ATP2B4: variants seen among roughly 807,000 people sequenced by gnomAD.
ATP2B4 encodes plasma membrane calcium-transporting ATPase 4.
Under a neutral mutation model 110.3 loss-of-function variants are expected in ATP2B4, and 39 were observed. The observed-to-expected ratio is 0.35, with a 90% CI of 0.27 to 0.46. ATP2B4 has a LOEUF of 0.46. Ranked by LOEUF, ATP2B4 falls within the 20% of genes least tolerant of loss-of-function variation. The pLI, the probability that ATP2B4 is intolerant of heterozygous loss-of-function variation, is 1.00. For synonymous variants in ATP2B4, 538 were observed against 571.7 expected (o/e 0.94, Z 0.84); for missense variants, 1,135 against 1,530.9 (o/e 0.74, Z 4.32).
chr1:203,700,778 T>A lies in ATP2B4; in HGVS notation c.776-20T>A. 2 of 1,612,036 alleles carry A rather than the reference T, an allele frequency of 1.2e-6. No individual in the cohort carries two copies. The highest frequency in any genetic ancestry group is 1.7e-6 in the Non-Finnish European group (2 of 1,178,970). On this transcript the variant is annotated intron_variant, in intron 5 of 20. Transcript: ENST00000357681. ...GTATTAAAAAACCCATTCCTTCCCA[T>A]CTTCTCCTTTCCCGTGTAGGGACCC...
chr1:203,709,084 G>A (rs1233259049), intron 10 of ATP2B4, among the ~76,000 whole-genome samples: 1 of 152,152 alleles, frequency 6.6e-6, no homozygotes, highest in East Asian at 1.9e-4. Flanking sequence ...TTGAACCTGG[G>A]AGGTGGAGGT....
intron 1 of ATP2B4, among the ~76,000 whole-genome samples, chr1:203,638,693 A>C (rs1185737334): frequency 6.6e-6 from 1 of 152,272 alleles, no homozygotes; most frequent in East Asian, 1.9e-4. Context: ...GTGTGACCAG[A>C]TCAACACCAA....
intron 1 of ATP2B4, among the ~76,000 whole-genome samples, chr1:203,676,677 G>T (rs1246351917): frequency 6.6e-6 from 1 of 152,172 alleles, no homozygotes; most frequent in Non-Finnish European, 1.5e-5. Flanking sequence ...CAGATCACCA[G>T]GGGGAGCAAG....
chr1:203,691,431 G>A (rs1397976832), intron 2 of ATP2B4, among the ~76,000 whole-genome samples: 1 of 152,224 alleles, frequency 6.6e-6, no homozygotes, highest in Non-Finnish European at 1.5e-5. Flanking sequence ...AAGTACAGAA[G>A]GTGGCAGAGT....
intron 1 of ATP2B4, among the ~76,000 whole-genome samples, chr1:203,631,204 C>CAAAGG (rs968831817): frequency 2.6e-5 from 4 of 152,164 alleles, no homozygotes; most frequent in African/African-American, 9.7e-5. Context: ...GTGGAGAGGC[C>CAAAGG]AAAGGAAAGG....
At chr1:203,703,159 ACAAT>A (rs1394042193) in intron 7 of ATP2B4, among the ~76,000 whole-genome samples, 4 of 133,772 alleles carry the variant, frequency 3.0e-5, no homozygotes, top group Non-Finnish European at 4.6e-5. Flanking sequence ...TTCTTCCCTG[ACAAT>A]CGAGAGAGAG....
Position 203,732,173 on chromosome 1 carries a change from AAAAG to A in ATP2B4, c.3309+4603_3309+4606del, listed in dbSNP as rs1558057095. On this transcript the variant is annotated intron_variant, in intron 20 of 20. Coordinates refer to ENST00000357681, the MANE Select transcript of ATP2B4 (RefSeq NM_001684.5). Reference sequence around the variant, plus strand: ...CCTGGGTGTCAAAAAAAAAAAAAAAAAAAGGAAGGAAGGAAGAAAATGAATGGCA... The same window carrying A: ...CCTGGGTGTCAAAAAAAAAAAAAAAAGAAGGAAGGAAGAAAATGAATGGCA... 5.9e-5 allele frequency among the ~76,000 whole-genome samples: 9 copies of A among 151,682 alleles called. No individual in the cohort carries two copies. In the South Asian group the frequency reaches 1.2e-3, roughly 21 times the overall value.
At chr1:203,639,038 ATCTCCTCCTGCCGGGGTAT>A (rs1183460795) in intron 1 of ATP2B4, among the ~76,000 whole-genome samples, 1 of 152,074 alleles carries the variant, frequency 6.6e-6, no homozygotes, top group Non-Finnish European at 1.5e-5. Context: ...GTGTGCAGAG[ATCTCCTCCTGCCGGGGTAT>A]TCTTGGCCCT....
intron 15 of ATP2B4, among the ~76,000 whole-genome samples, chr1:203,714,755 C>A (rs1666112296): frequency 6.6e-6 from 1 of 150,984 alleles, no homozygotes; most frequent in African/African-American, 2.5e-5. Context: ...TTTTTTTTAA[C>A]AGGCACACCA....
chr1:203,690,163 G>C (rs759808653), intron 2 of ATP2B4, among the ~76,000 whole-genome samples: 14 of 152,180 alleles, frequency 9.2e-5, no homozygotes, highest in Non-Finnish European at 1.8e-4. Context: ...ATCACCTTAA[G>C]ATCTCTGGGG....
intron 19 of ATP2B4, among the ~76,000 whole-genome samples, chr1:203,726,770 T>C (rs1666532648): frequency 6.6e-6 from 1 of 152,202 alleles, no homozygotes; most frequent in Admixed American, 6.5e-5. Context: ...TCAAACCCTA[T>C]GTACTGCTCC....
chr1:203,670,542 T>G (rs913828435), intron 1 of ATP2B4, among the ~76,000 whole-genome samples: 3 of 152,236 alleles, frequency 2.0e-5, no homozygotes, highest in African/African-American at 7.2e-5. Context: ...TCATAGTTAG[T>G]ACTTTTCCAT....
chr1:203,712,079 TGACTTCCTGTGCTTAGAAGGCAAA>T lies in ATP2B4; in HGVS notation c.2154_2177del (p.Asp718_Lys725del), dbSNP rs780782682. 1 of 1,614,184 alleles carries T rather than the reference TGACTTCCTGTGCTTAGAAGGCAAA, an allele frequency of 6.2e-7. No individual in the cohort carries two copies. The highest frequency in any genetic ancestry group is 1.1e-5 in the South Asian group (1 of 91,086). ...AATGTGGCATTCTGACACCTGGGGATGACTTCCTGTGCTTAGAAGGCAAAGAATTCAACCGGCTCATCCGCAACG... is the reference window on the plus strand; with the variant it reads ...AATGTGGCATTCTGACACCTGGGGATGAATTCAACCGGCTCATCCGCAACG... On this transcript the variant is annotated inframe_deletion, in exon 13 of 21. Coordinates refer to ENST00000357681, the MANE Select transcript of ATP2B4 (RefSeq NM_001684.5).
At chr1:203,654,334 A>G (rs1371609107) in intron 1 of ATP2B4, among the ~76,000 whole-genome samples, 2 of 152,176 alleles carry the variant, frequency 1.3e-5, no homozygotes, top group Non-Finnish European at 2.9e-5. Context: ...CTTTCAAAAT[A>G]CTACTGCTCA....
intron 20 of ATP2B4, chr1:203,728,362 C>A: frequency 3.1e-6 from 1 of 324,774 alleles, no homozygotes. Context: ...CTGATCTAAG[C>A]ATTGATAATT....
chr1:203,640,476 C>T (rs917821203), intron 1 of ATP2B4, among the ~76,000 whole-genome samples: 3 of 152,052 alleles, frequency 2.0e-5, no homozygotes, highest in African/African-American at 4.8e-5. Flanking sequence ...TGCCACCATG[C>T]CCAGCTAATT....
chr1:203,664,501 G>A (rs1220678373), intron 1 of ATP2B4, among the ~76,000 whole-genome samples: 1 of 152,254 alleles, frequency 6.6e-6, no homozygotes, highest in Non-Finnish European at 1.5e-5. Context: ...GTATGGGGTA[G>A]ATGACTTTTT....
At chr1:203,649,353 C>T (rs1368704638) in intron 1 of ATP2B4, among the ~76,000 whole-genome samples, 1 of 152,162 alleles carries the variant, frequency 6.6e-6, no homozygotes, top group Non-Finnish European at 1.5e-5. Context: ...ACAGTGTGAC[C>T]TTGAGCAAGT....
At chr1:203,661,423 G>A (rs550792944) in intron 1 of ATP2B4, among the ~76,000 whole-genome samples, 1 of 152,284 alleles carries the variant, frequency 6.6e-6, no homozygotes, top group East Asian at 1.9e-4. Flanking sequence ...AGGATCAAAT[G>A]AGATACTAAT....
Sources: gnomAD v4.1 joint callset for allele counts (sites outside exome capture counted in the v4.1 genomes callset) on GRCh38, gnomAD v4.1.1 for gene constraint, MANE v1.5 for transcripts, NCBI Gene and HGNC (gene_info 2026-07-23, HGNC 2026-07-21) for gene names.